The following PCDHA8 variants were observed in gnomAD, a reference collection of about 807,000 sequenced individuals.
PCDHA8 encodes the protein protocadherin alpha-8.
Under a neutral mutation model 61.8 loss-of-function variants are expected in PCDHA8, and 53 were observed. The observed-to-expected ratio is 0.86, with a 90% confidence interval of 0.69 to 1.08. PCDHA8 has a LOEUF of 1.08. PCDHA8 is among the 50% of genes least tolerant of loss of function. The pLI is 0.00. For synonymous variants in PCDHA8, 618 were observed against 556.6 expected, an observed-to-expected ratio of 1.11 and a Z score of -1.55; for missense variants, 1,293 against 1,245.0, an observed-to-expected ratio of 1.04 and a Z score of -0.58.
chr5:140,860,223 A>G (rs2046279598), intron 1 of PCDHA8: 1 of 150,246 alleles, frequency 6.7e-6, no homozygotes, highest in African/African-American at 2.4e-5. Context: ...TTATGTATAT[A>G]TAAGCCAGGC....
At chr5:140,994,817 T>C (rs1362838008) in intron 3 of PCDHA8, among the ~76,000 whole-genome samples, 3 of 152,068 alleles carry the variant, frequency 2.0e-5, no homozygotes, top group African/African-American at 7.2e-5. Context: ...TACAAAAAAC[T>C]GAATTGTGTA....
rs1334280981 is a variant in PCDHA8, at chr5:140,848,756, T to C, written c.2394+5041T>C. On this transcript the variant is annotated intron_variant, in intron 1 of 3. Coordinates refer to ENST00000531613, the MANE Select transcript of PCDHA8 (RefSeq NM_018911.3). ...TGCAGAATGGCATTTTGTTTGTGAATTCTCGGATCGACCGCGAGGAGCTGT... is the reference window on the plus strand; with the variant it reads ...TGCAGAATGGCATTTTGTTTGTGAACTCTCGGATCGACCGCGAGGAGCTGT... 2 of 1,593,258 alleles carry C rather than the reference T, an allele frequency of 1.3e-6. 1 individual carries two copies. Among genetic ancestry groups the C allele is most frequent in the Non-Finnish European group, 1.7e-6 (2 of 1,164,046 alleles).
At chr5:140,969,994 CAGAG>C (rs1406079395) in intron 1 of PCDHA8, among the ~76,000 whole-genome samples, 2 of 152,032 alleles carry the variant, frequency 1.3e-5, no homozygotes, top group Non-Finnish European at 1.5e-5. Context: ...AGAGGGCTGT[CAGAG>C]GGAGTGGATG....
At chr5:140,843,923 C>T (rs1779144561) in intron 1 of PCDHA8, 1 of 599,994 alleles carries the variant, frequency 1.7e-6, no homozygotes, top group Non-Finnish European at 2.9e-6. Context: ...TATCTTGAAA[C>T]TCAAGTTATG....
At chr5:140,922,856 T>C (rs2081036799) in intron 1 of PCDHA8, among the ~76,000 whole-genome samples, 1 of 152,072 alleles carries the variant, frequency 6.6e-6, no homozygotes, top group Non-Finnish European at 1.5e-5. Context: ...ACCAAATACA[T>C]AGACAAGGGG....
Position 141,007,401 on chromosome 5 carries a change from A to G in PCDHA8, c.2543-2226A>G, listed in dbSNP as rs981008239. On this transcript the variant is annotated intron_variant, in intron 3 of 3. Coordinates refer to ENST00000531613, the MANE Select transcript of PCDHA8 (RefSeq NM_018911.3). Reference sequence around the variant, plus strand: ...CACCATCTCTACTAAAATACAAAAAAAAAAAAAAAAAAAAAAATTAGCCAG... The same window carrying G: ...CACCATCTCTACTAAAATACAAAAAGAAAAAAAAAAAAAAAAATTAGCCAG... Among the ~76,000 whole-genome samples the G allele has an allele frequency of 7.4e-4, 110 of 149,582 alleles. 1 individual carries two copies. Among genetic ancestry groups the G allele is most frequent in the Non-Finnish European group, 9.7e-4 (65 of 67,302 alleles).
chr5:140,859,385 G>C (rs1252027820), intron 1 of PCDHA8: 2 of 270,486 alleles, frequency 7.4e-6, no homozygotes, highest in African/African-American at 4.6e-5. Flanking sequence ...AGCTTCTCTA[G>C]TCATCTTAAA....
intron 1 of PCDHA8, chr5:140,884,520 C>G (rs782029549): frequency 4.3e-6 from 7 of 1,613,918 alleles, no homozygotes; most frequent in Middle Eastern, 1.6e-4. Flanking sequence ...TGGTCGTACT[C>G]GCAGCAGAGG....
chr5:140,946,791 T>C (rs1019495660), intron 1 of PCDHA8, among the ~76,000 whole-genome samples: 4 of 151,326 alleles, frequency 2.6e-5, no homozygotes, highest in Non-Finnish European at 4.4e-5. Flanking sequence ...GCTGATCTTA[T>C]AGAAGCAGAG....
chr5:140,995,893 A>G (rs1038677586), intron 3 of PCDHA8, among the ~76,000 whole-genome samples: 3 of 152,182 alleles, frequency 2.0e-5, no homozygotes, highest in Non-Finnish European at 4.4e-5. Flanking sequence ...AGATTTATCA[A>G]TGTATAAAAG....
At position 140,875,429 on chromosome 5, in the gene PCDHA8, C is replaced by T. The variant is rs781965482; in HGVS notation, c.2394+31714C>T. ...CATAAAATACCTCAGGCAAGCGATCCCTTAAAACTGATTGTCCCAACTCAG... is the reference window on the plus strand; with the variant it reads ...CATAAAATACCTCAGGCAAGCGATCTCTTAAAACTGATTGTCCCAACTCAG... On this transcript the variant is annotated intron_variant, in intron 1 of 3. Transcript: ENST00000531613. The T allele has an allele frequency of 1.9e-6, 3 of 1,551,972 alleles. No homozygotes were observed. In the Admixed American group the frequency reaches 6.1e-5, roughly 32 times the overall value.
At position 140,928,406 on chromosome 5, in the gene PCDHA8, G is replaced by T. The variant is rs782285182; in HGVS notation, c.2395-50543G>T. On this transcript the variant is annotated intron_variant, in intron 1 of 3. Coordinates refer to ENST00000531613, the MANE Select transcript of PCDHA8 (RefSeq NM_018911.3). ...TTGCTGGCAGTGGAATCATCCAGTG[G>T]GGCCATCACTGCCAAAACTTCCTTT... 3 of 1,614,050 alleles carry T rather than the reference G, an allele frequency of 1.9e-6. No individual in the cohort carries two copies. The Admixed American group carries it at 5.0e-5, about 27-fold the overall frequency.
At chr5:140,967,057 A>T (rs1554229122) in intron 1 of PCDHA8, 1 of 1,612,704 alleles carries the variant, frequency 6.2e-7, no homozygotes, top group South Asian at 1.1e-5. Context: ...TGACGAGTGG[A>T]GCGCTCTTCG....
At chr5:140,945,393 T>G (rs2153669728) in intron 1 of PCDHA8, among the ~76,000 whole-genome samples, 1 of 152,208 alleles carries the variant, frequency 6.6e-6, no homozygotes, top group East Asian at 1.9e-4. Flanking sequence ...AATATACAAA[T>G]TCAATACAAT....
rs1032045343 is a variant in PCDHA8 at position 140,949,549 on chromosome 5, G to A, written c.2395-29400G>A. On this transcript the variant is annotated intron_variant, in intron 1 of 3. Transcript: ENST00000531613. Reference sequence around the variant, plus strand: ...CTTCATAAAATATCGATTTGTTGCTGGTCATACTTTTTTTCTTGTAGTAGC... The same window carrying A: ...CTTCATAAAATATCGATTTGTTGCTAGTCATACTTTTTTTCTTGTAGTAGC... Among the ~76,000 whole-genome samples the A allele has an allele frequency of 2.0e-5, 3 of 151,684 alleles. No homozygotes were observed. In the South Asian group the frequency reaches 6.2e-4, roughly 31 times the overall value.
At chr5:140,959,269 C>A (rs1334380683) in intron 1 of PCDHA8, among the ~76,000 whole-genome samples, 1 of 151,924 alleles carries the variant, frequency 6.6e-6, no homozygotes, top group Non-Finnish European at 1.5e-5. Flanking sequence ...CCCAGCTACC[C>A]AGGAGCCTGA....
In PCDHA8 at chr5:140,886,699, G is replaced by A. The variant is rs540537249; in HGVS notation, c.2394+42984G>A. Among the ~76,000 whole-genome samples the A allele has an allele frequency of 7.8e-4, 119 of 151,966 alleles. 1 individual carries two copies. In the East Asian group the frequency reaches 0.01, roughly 13 times the overall value. ...AAATTAGCGAGGCATGGTGGCACGC[G>A]CCTGTAATCCCAGCTACTTGGGAGG... On this transcript the variant is annotated intron_variant, in intron 1 of 3. Transcript: ENST00000531613.
chr5:140,879,836 G>A, intron 1 of PCDHA8, among the ~76,000 whole-genome samples: 1 of 152,186 alleles, frequency 6.6e-6, no homozygotes, highest in Non-Finnish European at 1.5e-5. Flanking sequence ...GCTTGTGGCT[G>A]TACCACTCCC....
intron 1 of PCDHA8, chr5:140,929,724 TA>T (rs2086341478): frequency 4.6e-6 from 1 of 218,158 alleles, no homozygotes; most frequent in Admixed American, 5.9e-5. Flanking sequence ...GTGAAACATT[TA>T]CTTAAACTAT....
Sources: allele counts gnomAD v4.1 joint callset (sites outside exome capture counted in the v4.1 genomes callset), GRCh38; gene constraint gnomAD v4.1.1; transcripts MANE v1.5; gene names NCBI Gene and HGNC (gene_info 2026-07-23, HGNC 2026-07-21).